ANKRD13C: variants seen among roughly 807,000 people sequenced by gnomAD.
ANKRD13C encodes ankyrin repeat domain-containing protein 13C.
A neutral mutation model predicts 65.5 loss-of-function variants in ANKRD13C; 16 were observed. That is an observed-to-expected ratio of 0.24 (90% CI 0.17 to 0.37). ANKRD13C has a LOEUF of 0.37. Among genes scored for constraint, ANKRD13C ranks in the 10% least tolerant of loss-of-function variants. ANKRD13C has a pLI of 1.00. For missense variants in ANKRD13C, 503 were observed against 655.9 expected (o/e 0.77, Z 2.55); for synonymous variants, 235 against 238.7 (o/e 0.98, Z 0.14).
chr1:70,297,470 T>A (rs571200673), intron 7 of ANKRD13C, among the ~76,000 whole-genome samples: 1 of 149,880 alleles, frequency 6.7e-6, no homozygotes, highest in South Asian at 2.1e-4. Flanking sequence ...ATTTTTTTAT[T>A]TTTAGTAGAG....
chr1:70,289,570 C>T (rs546661070), intron 9 of ANKRD13C, among the ~76,000 whole-genome samples: 24 of 152,018 alleles, frequency 1.6e-4, no homozygotes, highest in Admixed American at 5.9e-4. Context: ...GGGTTCACGC[C>T]ATTTTTCTGC....
chr1:70,292,171 G>A, intron 9 of ANKRD13C: 1 of 348,726 alleles, frequency 2.9e-6, no homozygotes, highest in Non-Finnish European at 5.1e-6. Flanking sequence ...TATTAATGAA[G>A]ACTCAAAGAT....
intron 6 of ANKRD13C, among the ~76,000 whole-genome samples, chr1:70,302,558 C>G (rs1274586535): frequency 7.8e-6 from 1 of 128,818 alleles, no homozygotes; most frequent in Non-Finnish European, 1.6e-5. Flanking sequence ...AACCCCGTCT[C>G]TACTAAAAAT....
At chr1:70,264,581 T>C (rs1346579741) in intron 12 of ANKRD13C, among the ~76,000 whole-genome samples, 2 of 151,820 alleles carry the variant, frequency 1.3e-5, no homozygotes, top group Non-Finnish European at 2.9e-5. Flanking sequence ...TTACTATCTA[T>C]GGCTTCTCTC....
intron 3 of ANKRD13C, among the ~76,000 whole-genome samples, chr1:70,317,203 C>T (rs1681108271): frequency 6.6e-6 from 1 of 152,038 alleles, no homozygotes; most frequent in Non-Finnish European, 1.5e-5. Context: ...AAGAACAATG[C>T]TTAAATTACT....
At chr1:70,289,623 C>T (rs1341159787) in intron 9 of ANKRD13C, among the ~76,000 whole-genome samples, 4 of 151,504 alleles carry the variant, frequency 2.6e-5, no homozygotes, top group Non-Finnish European at 5.9e-5. Context: ...CCCGCCACCA[C>T]GCCCGGCTAA....
At chr1:70,303,919 C>T (rs1396380825) in intron 6 of ANKRD13C, among the ~76,000 whole-genome samples, 1 of 152,142 alleles carries the variant, frequency 6.6e-6, no homozygotes. Flanking sequence ...TCACATTTGT[C>T]CTTCATCCTT....
Position 70,354,671 on chromosome 1 carries a change from G to C in ANKRD13C, c.-263C>G. The C allele has an allele frequency of 1.2e-6, 1 of 834,364 alleles. No individual in the cohort carries two copies. 51.7% of individuals were successfully genotyped at this position (834,364 alleles called of 1,614,324 possible). Reference sequence around the variant, plus strand: ...GGATCTCAGTCTCGCCGTCGCAGCCGCCGTCGCTGCCTTACACCGAAAAAC... The same window carrying C: ...GGATCTCAGTCTCGCCGTCGCAGCCCCCGTCGCTGCCTTACACCGAAAAAC... On this transcript the variant is annotated 5_prime_UTR_variant, in exon 1 of 13. Transcript: ENST00000370944.
intron 5 of ANKRD13C, among the ~76,000 whole-genome samples, chr1:70,311,054 A>G (rs1419091627): frequency 6.6e-6 from 1 of 152,246 alleles, no homozygotes; most frequent in Non-Finnish European, 1.5e-5. Context: ...GAAAAAACTG[A>G]TTAAATTTAG....
At chr1:70,341,847 G>A (rs1008238395) in intron 1 of ANKRD13C, among the ~76,000 whole-genome samples, 4 of 151,908 alleles carry the variant, frequency 2.6e-5, no homozygotes, top group Admixed American at 1.3e-4. Flanking sequence ...AATCATTCTT[G>A]TCCTCATATA....
Position 70,296,154 on chromosome 1 carries a change from T to C in ANKRD13C, c.1029A>G (p.Gly343=). 1 of 1,613,798 alleles carries C rather than the reference T, an allele frequency of 6.2e-7. No individual in the cohort carries two copies. The highest frequency in any genetic ancestry group is 1.1e-5 in the South Asian group (1 of 91,006). The part of the protein sequence containing the change: ...KSISFTRAQT[G]WLFREDKTER... ...CTGTTTTATCTTCCCGAAAAAGCCATCCTGTCTGGGCACGCGTGAAAGAAA... is the reference window on the plus strand; with the variant it reads ...CTGTTTTATCTTCCCGAAAAAGCCACCCTGTCTGGGCACGCGTGAAAGAAA... The change falls in exon 8 of 13, where the codon GGA becomes GGG. Residue 343 remains glycine, a synonymous_variant. Transcript: ENST00000370944.
At chr1:70,278,250 C>T (rs932194883) in intron 9 of ANKRD13C, among the ~76,000 whole-genome samples, 10 of 151,084 alleles carry the variant, frequency 6.6e-5, no homozygotes, top group African/African-American at 1.7e-4. Flanking sequence ...CCTAGCACTT[C>T]GGGAGGTCAA....
intron 1 of ANKRD13C, among the ~76,000 whole-genome samples, chr1:70,352,437 T>C (rs189548090): frequency 5.3e-5 from 8 of 152,018 alleles, no homozygotes; most frequent in African/African-American, 1.9e-4. Flanking sequence ...GAATTTGAAC[T>C]TAAACAAATG....
At chr1:70,268,916 T>G (rs1361526269) in intron 12 of ANKRD13C, among the ~76,000 whole-genome samples, 1 of 152,116 alleles carries the variant, frequency 6.6e-6, no homozygotes, top group Non-Finnish European at 1.5e-5. Flanking sequence ...TACTTTAAGT[T>G]TTAGGGTACA....
At chr1:70,302,096 A>G (rs1200075673) in intron 6 of ANKRD13C, among the ~76,000 whole-genome samples, 2 of 152,196 alleles carry the variant, frequency 1.3e-5, no homozygotes, top group African/African-American at 4.8e-5. Context: ...AGACAGGAAA[A>G]ACAGAAATAA....
At position 70,354,680 on chromosome 1, in the gene ANKRD13C, G is replaced by C. The variant is rs187743176; in HGVS notation, c.-272C>G. 3.7e-6 allele frequency: 3 copies of C among 803,492 alleles called. No homozygotes were observed. The highest frequency in any genetic ancestry group is 1.7e-5 in the African/African-American group (1 of 57,648). The allele number at this position is 803,492 out of a possible 1,614,324, so 49.8% of individuals were successfully genotyped here. ...TCTCGCCGTCGCAGCCGCCGTCGCTGCCTTACACCGAAAAACAGGGCACGG... is the reference window on the plus strand; with the variant it reads ...TCTCGCCGTCGCAGCCGCCGTCGCTCCCTTACACCGAAAAACAGGGCACGG... On this transcript the variant is annotated 5_prime_UTR_variant, in exon 1 of 13. Coordinates refer to ENST00000370944, the MANE Select transcript of ANKRD13C (RefSeq NM_030816.5).
chr1:70,292,748 A>G, intron 8 of ANKRD13C, among the ~76,000 whole-genome samples, 199 bp from the exon 9 acceptor site: 1 of 152,212 alleles, frequency 6.6e-6, no homozygotes, highest in Non-Finnish European at 1.5e-5. Flanking sequence ...AATACACAAA[A>G]GCATACATTT....
chr1:70,331,481 T>C (rs1042087007), intron 2 of ANKRD13C, among the ~76,000 whole-genome samples: 2 of 151,908 alleles, frequency 1.3e-5, no homozygotes, highest in Admixed American at 1.3e-4. Context: ...AGGTACAGTG[T>C]ATCTTAAAAG....
Position 70,274,811 on chromosome 1 carries a change from G to A in ANKRD13C, c.1303C>T (p.His435Tyr), listed in dbSNP as rs1382344920. ...YISAENGKAP[H>Y]LGRELVCKES... is the part of the protein sequence containing the mutation. ...TTGCACACCAATTCTCTACCCAGAT[G>A]AGGAGCTCTAAAATGGGAGGAAAAA... Residue 435 changes from histidine to tyrosine, a missense_variant, in exon 11 of 13, where the codon CAT (histidine) becomes TAT (tyrosine). His to Tyr is a moderately conservative substitution (Grantham distance 83). Coordinates refer to ENST00000370944, the MANE Select transcript of ANKRD13C (RefSeq NM_030816.5). 1.2e-6 allele frequency: 2 copies of A among 1,612,000 alleles called. No homozygotes were observed. Among genetic ancestry groups the A allele is most frequent in the Admixed American group, 3.3e-5 (2 of 59,978 alleles).
Sources: gnomAD v4.1 joint callset for allele counts (sites outside exome capture counted in the v4.1 genomes callset) on GRCh38, gnomAD v4.1.1 for gene constraint, MANE v1.5 for transcripts, NCBI Gene and HGNC (gene_info 2026-07-23, HGNC 2026-07-21) for gene names.